Variants in RASGRF2 observed in about 807,000 individuals in gnomAD.
RASGRF2 encodes Ras protein specific guanine nucleotide releasing factor 2.
A neutral mutation model predicts 151.0 loss-of-function variants in RASGRF2; 76 were observed. That is an observed-to-expected ratio of 0.50 (90% CI 0.42 to 0.61). RASGRF2 has a LOEUF of 0.61. Ranked by LOEUF, RASGRF2 falls within the 20% of genes least tolerant of loss-of-function variation. The pLI is 0.00. For synonymous variants in RASGRF2, 504 were observed against 566.5 expected (o/e 0.89, Z 1.57); for missense variants, 1,148 against 1,564.6 (o/e 0.73, Z 4.49).
At chr5:81,018,740 T>A (rs939200323) in intron 1 of RASGRF2, among the ~76,000 whole-genome samples, 3 of 151,868 alleles carry the variant, frequency 2.0e-5, no homozygotes, top group Admixed American at 1.3e-4. Flanking sequence ...ACCACATACT[T>A]TTTTACTGCT....
intron 18 of RASGRF2, among the ~76,000 whole-genome samples, chr5:81,186,698 A>C (rs574653728): frequency 6.6e-6 from 1 of 152,172 alleles, no homozygotes; most frequent in Non-Finnish European, 1.5e-5. Context: ...GGATCTCACA[A>C]CCACACTCTA....
chr5:81,212,641 A>G lies in RASGRF2; in HGVS notation c.3354+78A>G, dbSNP rs1755651490. ...GATGGGAGCCAAGTTAAATATTACT[A>G]ATTAGGAAATCATTAACTGAAATGA... On this transcript the variant is annotated intron_variant, in intron 23 of 26. Transcript: ENST00000265080. 3.0e-6 allele frequency: 4 copies of G among 1,323,602 alleles called. No individual in the cohort carries two copies. The African/African-American group carries it at 5.9e-5, about 20-fold the overall frequency. The allele number at this position is 1,323,602 out of a possible 1,614,324, so 82.0% of individuals were successfully genotyped here.
At chr5:81,219,405 A>C (rs1755811189) in intron 25 of RASGRF2, among the ~76,000 whole-genome samples, 1 of 152,158 alleles carries the variant, frequency 6.6e-6, no homozygotes, top group Admixed American at 6.5e-5. Flanking sequence ...CTAAGCACTA[A>C]GCTAGAAGCA....
chr5:81,087,664 C>T (rs1752278180), intron 9 of RASGRF2: 3 of 413,768 alleles, frequency 7.3e-6, no homozygotes, highest in Non-Finnish European at 1.3e-5. Context: ...AACCACATCC[C>T]AAGTTATTTT....
At chr5:80,997,917 C>T (rs1483076645) in intron 1 of RASGRF2, 1 of 147,468 alleles carries the variant, frequency 6.8e-6, no homozygotes, top group Non-Finnish European at 1.5e-5. Context: ...TGCAGTGAGC[C>T]GAGATCGCGC....
chr5:80,960,969 C>T lies in RASGRF2; in HGVS notation c.231C>T (p.Pro77=), dbSNP rs762485977. The change falls in exon 1 of 27, where the codon CCC becomes CCT. Residue 77 remains proline (P), a synonymous_variant. Transcript: ENST00000265080. This position sits in a 1 kb window ranked among gnomAD's most constrained non-coding sequence, Gnocchi z 5.5. The part of the protein sequence containing the change: ...LLEGCSCERT[P]APPRAGAGQG... ...AGGGCTGCAGCTGCGAACGAACGCC[C>T]GCGCCACCCAGGGCCGGCGCCGGGC... The T allele has an allele frequency of 1.3e-6, 2 of 1,561,668 alleles. No homozygotes were observed. Among genetic ancestry groups the T allele is most frequent in the Admixed American group, 1.7e-5 (1 of 57,310 alleles).
rs540448743 is a variant in RASGRF2, at chr5:80,994,060, T to C, written c.288+33034T>C. Among the ~76,000 whole-genome samples the C allele has an allele frequency of 1.3e-3, 197 of 152,162 alleles. 2 individuals are homozygous for C. The highest frequency in any genetic ancestry group is 6.8e-3 in the Middle Eastern group (2 of 294). ...CCTGTCAGCTTCAGGAGGGCCCTTA[T>C]CTCTGTGGTTACCAATGTGGCTCCA... On this transcript the variant is annotated intron_variant, in intron 1 of 26. Coordinates refer to ENST00000265080, the MANE Select transcript of RASGRF2 (RefSeq NM_006909.3).
At chr5:81,084,493 C>G (rs1021021161) in intron 7 of RASGRF2, among the ~76,000 whole-genome samples, 2 of 152,172 alleles carry the variant, frequency 1.3e-5, no homozygotes, top group Non-Finnish European at 2.9e-5. Flanking sequence ...TGTTTCCCAC[C>G]CTTCCACGAT....
intron 17 of RASGRF2, among the ~76,000 whole-genome samples, chr5:81,167,094 A>G (rs1354910510): frequency 1.3e-5 from 2 of 152,166 alleles, no homozygotes; most frequent in African/African-American, 2.4e-5. Flanking sequence ...AAGCATCACC[A>G]CACTGAGCTG....
chr5:81,093,019 T>G (rs996488896), intron 10 of RASGRF2, 58 bp downstream of exon 10: 17 of 1,473,690 alleles, frequency 1.2e-5, no homozygotes, highest in Non-Finnish European at 1.6e-5. Context: ...GTTATTGAAG[T>G]TAACTCATTT....
In RASGRF2 at chr5:81,037,169, C is replaced by G. The variant is rs1293127047; in HGVS notation, c.289-5708C>G. The stretch of plus-strand genomic sequence containing the variant: ...AGCCACCCCCATGATTCAATTATCT[C>G]TCACCAGGTCCACACAACACATGAG... On this transcript the variant is annotated intron_variant, in intron 1 of 26. Transcript: ENST00000265080. Among the ~76,000 whole-genome samples, 3 of 152,172 alleles carry G rather than the reference C, an allele frequency of 2.0e-5. No homozygotes were observed. In the East Asian group the frequency reaches 5.8e-4, roughly 29 times the overall value.
intron 1 of RASGRF2, among the ~76,000 whole-genome samples, chr5:80,996,513 C>T (rs1447833207): frequency 0.061 from 3,145 of 51,452 alleles, 425 homozygotes; most frequent in African/African-American, 0.07. Flanking sequence ...TCCTCCTCCT[C>T]CTCCTCCCCC....
chr5:81,147,897 A>G (rs769368359), intron 17 of RASGRF2, among the ~76,000 whole-genome samples: 2 of 152,214 alleles, frequency 1.3e-5, no homozygotes, highest in Non-Finnish European at 2.9e-5. Flanking sequence ...CCTCTGCCAA[A>G]GTCAGTTCTC....
intron 2 of RASGRF2, among the ~76,000 whole-genome samples, chr5:81,058,645 C>T (rs891856587): frequency 1.3e-5 from 2 of 151,876 alleles, no homozygotes; most frequent in Non-Finnish European, 2.9e-5. Context: ...TCTTACGAAA[C>T]ACAAACAATT....
chr5:81,109,106 T>G, intron 13 of RASGRF2, 28 bp downstream of exon 13: 1 of 1,590,884 alleles, frequency 6.3e-7, no homozygotes. Context: ...TTCCTTTACA[T>G]TTTAATCAAG....
intron 23 of RASGRF2, among the ~76,000 whole-genome samples, chr5:81,214,100 A>C (rs1042065698): frequency 3.3e-5 from 5 of 152,154 alleles, no homozygotes; most frequent in Non-Finnish European, 7.3e-5. Context: ...TAAATCTTAA[A>C]GTTTCCAGGC....
chr5:81,169,337 C>T (rs1426571174), intron 17 of RASGRF2, among the ~76,000 whole-genome samples: 2 of 152,156 alleles, frequency 1.3e-5, no homozygotes, highest in Admixed American at 6.5e-5. Context: ...AAAAAAACAA[C>T]GATTTATTTT....
rs941116571 is a variant in RASGRF2, at chr5:81,201,458, G to A, written c.2906+16G>A. The stretch of plus-strand genomic sequence containing the variant: ...ATATCCTCAGGTGAAGGCAGCTGAA[G>A]ATGCCGACTGGATGACATTGGTTGA... On this transcript the variant is annotated intron_variant, in intron 19 of 26. Transcript: ENST00000265080. The A allele has an allele frequency of 2.5e-6, 4 of 1,606,412 alleles. No individual in the cohort carries two copies. Among genetic ancestry groups the A allele is most frequent in the Non-Finnish European group, 3.4e-6 (4 of 1,177,210 alleles).
At chr5:81,071,529 C>A (rs539812168) in intron 4 of RASGRF2, among the ~76,000 whole-genome samples, 71 of 152,104 alleles carry the variant, frequency 4.7e-4, no homozygotes, top group Non-Finnish European at 8.5e-4. Flanking sequence ...ATTTTATATT[C>A]TTTTTTACAA....
Sources: allele counts gnomAD v4.1 joint callset (sites outside exome capture counted in the v4.1 genomes callset), GRCh38; gene constraint gnomAD v4.1.1; non-coding constraint Gnocchi (gnomAD v3.1); transcripts MANE v1.5; gene names NCBI Gene and HGNC (gene_info 2026-07-23, HGNC 2026-07-21).